Variants in ZNF469 observed in about 807,000 individuals in gnomAD.
ZNF469 encodes the protein zinc finger protein 469.
A neutral mutation model predicts 1.0 loss-of-function variants in ZNF469; 1 was observed. That is an observed-to-expected ratio of 1.00 (90% CI 0.35 to 4.73). ZNF469 has a LOEUF of 4.73. Ranked by LOEUF, ZNF469 falls within the 30% of genes most tolerant of loss-of-function variation. The pLI is 0.16. For synonymous variants in ZNF469, 2,703 were observed against 2,363.4 expected (o/e 1.14, Z -4.17); for missense variants, 6,100 against 5,356.3 (o/e 1.14, Z -4.33).
chr16:88,112,152 G>A, the ZNF469 span, among the ~76,000 whole-genome samples: 3 of 151,974 alleles, frequency 2.0e-5, no homozygotes, highest in Admixed American at 6.6e-5. Flanking sequence ...AAACACAGGC[G>A]TGCCGGCCAG....
chr16:88,205,062 G>T, the ZNF469 span, among the ~76,000 whole-genome samples: 2 of 152,276 alleles, frequency 1.3e-5, no homozygotes, highest in African/African-American at 4.8e-5. The surrounding 1 kb of genome is among the most constrained non-coding windows in gnomAD (Gnocchi z 4.2). Flanking sequence ...TTGTGTTCCA[G>T]GCCTCCTTCT....
chr16:88,386,602 G>T (rs74036009), intron 1 of ZNF469, among the ~76,000 whole-genome samples: 2 of 152,108 alleles, frequency 1.3e-5, no homozygotes, highest in Non-Finnish European at 2.9e-5. Flanking sequence ...CCGGTGACTC[G>T]GAGGGTCCCG....
the ZNF469 span, among the ~76,000 whole-genome samples, chr16:88,324,277 G>C: frequency 6.6e-6 from 1 of 152,222 alleles, no homozygotes; most frequent in African/African-American, 2.4e-5. Flanking sequence ...TTCTGTTTTG[G>C]CCAAGAAGTA....
At chr16:88,251,851 G>A in the ZNF469 span, among the ~76,000 whole-genome samples, 2 of 151,986 alleles carry the variant, frequency 1.3e-5, no homozygotes. Flanking sequence ...GAGTCACCGC[G>A]CCGGGCCCCT....
chr16:88,290,958 G>A, the ZNF469 span, among the ~76,000 whole-genome samples: 85 of 152,250 alleles, frequency 5.6e-4, 1 homozygote, highest in South Asian at 3.5e-3. Flanking sequence ...ATCGGAGCGC[G>A]TCAGCCTTGG....
chr16:88,261,043 C>G, the ZNF469 span, among the ~76,000 whole-genome samples: 1 of 152,118 alleles, frequency 6.6e-6, no homozygotes, highest in East Asian at 1.9e-4. This position sits in a 1 kb window ranked among gnomAD's most constrained non-coding sequence, Gnocchi z 6.0. Flanking sequence ...GTCTGGGGGT[C>G]TTGGTGCCTG....
chr16:88,382,900 G>T (rs981688464), upstream of ZNF469, among the ~76,000 whole-genome samples: 1 of 151,894 alleles, frequency 6.6e-6, no homozygotes, highest in Admixed American at 6.6e-5. Flanking sequence ...AAAATAGCTG[G>T]GGGGAGGGTG....
At chr16:88,334,853 G>C in the ZNF469 span, among the ~76,000 whole-genome samples, 2 of 151,112 alleles carry the variant, frequency 1.3e-5, no homozygotes, top group African/African-American at 2.4e-5. Flanking sequence ...ACATGTGACA[G>C]AGACGGACGT....
chr16:88,392,042 A>G (rs1050652530), intron 1 of ZNF469, among the ~76,000 whole-genome samples: 1 of 152,244 alleles, frequency 6.6e-6, no homozygotes, highest in Admixed American at 6.5e-5. Flanking sequence ...TATCTTATGC[A>G]GGCTACAAAC....
chr16:88,239,707 ATATATATATTTTTTTTTTTT>A, the ZNF469 span, among the ~76,000 whole-genome samples: 2 of 5,398 alleles, frequency 3.7e-4, no homozygotes, highest in Non-Finnish European at 5.5e-4. Flanking sequence ...ATATATATAT[ATATATATATTTTTTTTTTTT>A]TTTTTTTTTT....
chr16:88,430,649 G>C lies in ZNF469; in HGVS notation c.3179G>C (p.Arg1060Thr). Residue 1060 changes from arginine to threonine, a missense_variant, in exon 3 of 3, where the codon AGG becomes ACG. Physicochemically the swap from Arg to Thr is moderately conservative, Grantham distance 71 (BLOSUM62 -1). Transcript: ENST00000565624. ...LILKIVQQKNRRHRRLGRRAG... is the reference protein window; with the variant it reads ...LILKIVQQKNTRHRRLGRRAG... ...CTGAAGATCGTGCAGCAGAAGAACA[G>C]GCGCCACCGGCGGCTGGGGCGGCGG... is the stretch of plus-strand genomic sequence containing the variant. 1 of 1,494,654 alleles carries C rather than the reference G, an allele frequency of 6.7e-7. No homozygotes were observed. Among genetic ancestry groups the C allele is most frequent in the Non-Finnish European group, 8.9e-7 (1 of 1,127,760 alleles). The allele number at this position is 1,494,654 out of a possible 1,614,324, so 92.6% of individuals were successfully genotyped here.
the ZNF469 span, among the ~76,000 whole-genome samples, chr16:88,268,942 G>A: frequency 2.6e-5 from 4 of 152,170 alleles, no homozygotes; most frequent in Non-Finnish European, 5.9e-5. Context: ...CCTGGGCCTG[G>A]GCAGTGACAT....
At chr16:88,227,338 C>T in the ZNF469 span, among the ~76,000 whole-genome samples, 6 of 152,218 alleles carry the variant, frequency 3.9e-5, no homozygotes, top group African/African-American at 9.6e-5. Context: ...GGAAGGAGGC[C>T]GGGAGGACCC....
chr16:88,294,220 C>A, the ZNF469 span, among the ~76,000 whole-genome samples: 1 of 152,328 alleles, frequency 6.6e-6, no homozygotes, highest in East Asian at 1.9e-4. Flanking sequence ...GACCAAGATG[C>A]CAATCAGAAC....
At chr16:88,137,368 T>TC in the ZNF469 span, among the ~76,000 whole-genome samples, 16 of 152,254 alleles carry the variant, frequency 1.1e-4, no homozygotes, top group Admixed American at 9.2e-4. Flanking sequence ...AACAGTCATA[T>TC]GTGCATACCA....
chr16:88,423,548 TTTA>T lies in ZNF469; in HGVS notation c.-191-1254_-191-1252del, dbSNP rs371223526. On this transcript the variant is annotated intron_variant, in intron 1 of 2. Transcript: ENST00000565624. ...AAAGAACAGACTGAAACAACAAACC[TTTA>T]TTATCTCTTAGTTTCCAAAGGTCAG... Among the ~76,000 whole-genome samples, 44 of 152,286 alleles carry T rather than the reference TTTA, an allele frequency of 2.9e-4. No homozygotes were observed. In the East Asian group the frequency reaches 7.9e-3, roughly 27 times the overall value.
chr16:88,285,425 T>C, the ZNF469 span, among the ~76,000 whole-genome samples: 3 of 152,216 alleles, frequency 2.0e-5, no homozygotes, highest in Non-Finnish European at 4.4e-5. Flanking sequence ...AGCCAGGGGC[T>C]GTGGGGAGAC....
At chr16:88,230,290 C>T in the ZNF469 span, among the ~76,000 whole-genome samples, 8 of 152,250 alleles carry the variant, frequency 5.3e-5, no homozygotes, top group African/African-American at 9.6e-5. Context: ...CCGAGGCTGC[C>T]GTCTGCTGTC....
At chr16:88,403,424 T>C (rs1349632853) in intron 1 of ZNF469, among the ~76,000 whole-genome samples, 1 of 152,180 alleles carries the variant, frequency 6.6e-6, no homozygotes, top group Non-Finnish European at 1.5e-5. Flanking sequence ...GTGGTGGGAT[T>C]GGGCAGGTCA....
Sources: gnomAD v4.1 joint callset for allele counts (sites outside exome capture counted in the v4.1 genomes callset) on GRCh38, gnomAD v4.1.1 for gene constraint, Gnocchi (gnomAD v3.1) non-coding constraint, MANE v1.5 for transcripts, NCBI Gene and HGNC (gene_info 2026-07-23, HGNC 2026-07-21) for gene names.